MCTP1: variants seen among roughly 807,000 people sequenced by gnomAD.
MCTP1 encodes multiple C2 and transmembrane domain-containing protein 1.
MCTP1 carries 69 observed loss-of-function variants against 120.6 expected under a neutral mutation model. That is an observed-to-expected ratio of 0.57 (90% CI 0.47 to 0.70). The LOEUF (loss-of-function observed/expected upper bound fraction) is 0.70, where lower values mean the gene tolerates loss of function less well. Ranked by LOEUF, MCTP1 falls within the 30% of genes least tolerant of loss-of-function variation. MCTP1 has a pLI of 0.00. For synonymous variants in MCTP1, 529 were observed against 493.1 expected (o/e 1.07, Z -0.96); for missense variants, 1,203 against 1,248.8 (o/e 0.96, Z 0.55).
At chr5:95,095,579 G>A (rs563954786) in intron 1 of MCTP1, among the ~76,000 whole-genome samples, 179 of 152,274 alleles carry the variant, frequency 1.2e-3, no homozygotes, top group African/African-American at 4.1e-3. Flanking sequence ...TCCAAACCAC[G>A]CTCAAGTTTA....
chr5:94,828,590 G>A (rs1044987534), intron 17 of MCTP1, among the ~76,000 whole-genome samples: 1 of 152,238 alleles, frequency 6.6e-6, no homozygotes, highest in Non-Finnish European at 1.5e-5. Flanking sequence ...ACCTGGAGAG[G>A]TGTCAGTTTT....
intron 18 of MCTP1, among the ~76,000 whole-genome samples, chr5:94,785,064 G>A (rs1490176102): frequency 6.6e-6 from 1 of 151,984 alleles, no homozygotes; most frequent in Non-Finnish European, 1.5e-5. Flanking sequence ...TTTGCCATAA[G>A]GTGCAAAGAC....
At chr5:95,205,526 G>A (rs1354543936) in intron 1 of MCTP1, among the ~76,000 whole-genome samples, 1 of 152,042 alleles carries the variant, frequency 6.6e-6, no homozygotes, top group Non-Finnish European at 1.5e-5. Flanking sequence ...CGTTTCAAAG[G>A]ATACCAACAA....
At chr5:95,168,286 T>G (rs567509583) in intron 1 of MCTP1, among the ~76,000 whole-genome samples, 1 of 152,350 alleles carries the variant, frequency 6.6e-6, no homozygotes, top group South Asian at 2.1e-4. Context: ...CCATGCTGTT[T>G]TGGTTACTGT....
chr5:94,970,401 C>A (rs2153574920), intron 2 of MCTP1, among the ~76,000 whole-genome samples: 1 of 151,952 alleles, frequency 6.6e-6, no homozygotes, highest in African/African-American at 2.4e-5. Context: ...TATTCAAATT[C>A]CCTTTCATAT....
At position 95,063,923 on chromosome 5, in the gene MCTP1, C is replaced by A. The variant is rs374870115; in HGVS notation, c.721-46439G>T. Among the ~76,000 whole-genome samples the A allele has an allele frequency of 2.4e-3, 360 of 152,286 alleles. 1 individual carries two copies. Among genetic ancestry groups the A allele is most frequent in the African/African-American group, 8.2e-3 (341 of 41,562 alleles). ...TTATAACAAGTCAAATAACTCCACACCCATCCTATTCTCCTTATCTCCATC... is the reference window on the plus strand; with the variant it reads ...TTATAACAAGTCAAATAACTCCACAACCATCCTATTCTCCTTATCTCCATC... On this transcript the variant is annotated intron_variant, in intron 1 of 22. Coordinates refer to ENST00000515393, the MANE Select transcript of MCTP1 (RefSeq NM_024717.7).
At chr5:94,765,917 A>C (rs1772570455) in intron 19 of MCTP1, among the ~76,000 whole-genome samples, 1 of 152,114 alleles carries the variant, frequency 6.6e-6, no homozygotes, top group African/African-American at 2.4e-5. Context: ...ATTATTAGAA[A>C]CTATTATAGA....
intron 1 of MCTP1, among the ~76,000 whole-genome samples, chr5:95,230,223 CAT>C (rs890279263): frequency 2.7e-5 from 3 of 110,652 alleles, no homozygotes; most frequent in African/African-American, 9.5e-5. Context: ...TATACACATA[CAT>C]ATATGTGTGT....
At chr5:94,733,910 G>T (rs1763629042) in intron 19 of MCTP1, among the ~76,000 whole-genome samples, 1 of 150,726 alleles carries the variant, frequency 6.6e-6, no homozygotes, top group Non-Finnish European at 1.5e-5. Flanking sequence ...GTTGCAGTGA[G>T]CCCAGATCGT....
intron 1 of MCTP1, among the ~76,000 whole-genome samples, chr5:95,211,597 C>G (rs1339456709): frequency 6.6e-6 from 1 of 152,150 alleles, no homozygotes; most frequent in Non-Finnish European, 1.5e-5. Context: ...TCAAAGTTTT[C>G]AACCTCTTTG....
chr5:95,031,214 G>T (rs1180398360), intron 1 of MCTP1, among the ~76,000 whole-genome samples: 1 of 151,918 alleles, frequency 6.6e-6, no homozygotes, highest in African/African-American at 2.4e-5. Flanking sequence ...TTATTTCAGG[G>T]ACTAGTTCAA....
intron 12 of MCTP1, among the ~76,000 whole-genome samples, chr5:94,885,462 T>C (rs1801090659): frequency 6.6e-6 from 1 of 152,134 alleles, no homozygotes; most frequent in African/African-American, 2.4e-5. Flanking sequence ...TCACTCAATA[T>C]AGGAGACTTG....
intron 1 of MCTP1, among the ~76,000 whole-genome samples, chr5:95,117,267 T>C (rs553469196): frequency 2.6e-5 from 4 of 151,860 alleles, no homozygotes; most frequent in Non-Finnish European, 5.9e-5. Flanking sequence ...GGCAGGCGCC[T>C]GTAGTCCCAG....
chr5:94,882,314 C>A (rs1391988195), intron 12 of MCTP1, among the ~76,000 whole-genome samples: 1 of 152,118 alleles, frequency 6.6e-6, no homozygotes. Flanking sequence ...ACCCACTTGG[C>A]ATCCCCAGTG....
chr5:95,094,972 G>A (rs1756117235), intron 1 of MCTP1, among the ~76,000 whole-genome samples: 1 of 146,416 alleles, frequency 6.8e-6, no homozygotes, highest in Admixed American at 6.8e-5. Flanking sequence ...TTCTGCCCAA[G>A]GCAAGCTATT....
At chr5:95,116,167 A>G (rs1325851509) in intron 1 of MCTP1, among the ~76,000 whole-genome samples, 2 of 152,206 alleles carry the variant, frequency 1.3e-5, no homozygotes, top group African/African-American at 4.8e-5. Flanking sequence ...GGAGTACTTC[A>G]ATCAGAAAGA....
intron 19 of MCTP1, among the ~76,000 whole-genome samples, chr5:94,723,988 G>A (rs1761536841): frequency 6.6e-6 from 1 of 152,114 alleles, no homozygotes; most frequent in Non-Finnish European, 1.5e-5. Context: ...GATGGAAGAA[G>A]ATGAGAAGAC....
chr5:94,954,172 ATATATATATGCATAT>A (rs1821879958), intron 2 of MCTP1, among the ~76,000 whole-genome samples: 1 of 38,980 alleles, frequency 2.6e-5, no homozygotes, highest in African/African-American at 1.2e-4. Context: ...ATATATACAT[ATATATATATGCATAT>A]ATATATATAT....
At chr5:95,160,409 G>A (rs1186707523) in intron 1 of MCTP1, among the ~76,000 whole-genome samples, 1 of 152,174 alleles carries the variant, frequency 6.6e-6, no homozygotes, top group East Asian at 1.9e-4. Flanking sequence ...TTTGGAAAGA[G>A]TAATAATAGC....
Sources: gnomAD v4.1 joint callset for allele counts (sites outside exome capture counted in the v4.1 genomes callset) on GRCh38, gnomAD v4.1.1 for gene constraint, MANE v1.5 for transcripts, NCBI Gene and HGNC (gene_info 2026-07-23, HGNC 2026-07-21) for gene names.